CDH18: variants seen among roughly 807,000 people sequenced by gnomAD.
CDH18 encodes cadherin 18.
CDH18 carries 31 observed loss-of-function variants against 67.9 expected under a neutral mutation model. The observed-to-expected ratio is 0.46, with a 90% CI of 0.34 to 0.62. The LOEUF (loss-of-function observed/expected upper bound fraction) is 0.62, where lower values mean the gene tolerates loss of function less well. Ranked by LOEUF, CDH18 falls within the 20% of genes least tolerant of loss-of-function variation. CDH18 has a pLI of 0.01. For synonymous variants in CDH18, 362 were observed against 347.2 expected (o/e 1.04, Z -0.48); for missense variants, 890 against 975.5 (o/e 0.91, Z 1.17).
Position 19,968,784 on chromosome 5 carries a change from C to T in CDH18, c.-257+12276G>A, listed in dbSNP as rs558872102. 2.2e-4 allele frequency among the ~76,000 whole-genome samples: 32 copies of T among 144,524 alleles called. No homozygotes were observed. The South Asian group carries it at 6.3e-3, about 29-fold the overall frequency. The allele number at this position is 144,524 out of a possible 152,430, so 94.8% of individuals were successfully genotyped here. ...TTACCATTCAGGACATAGGCATGGG[C>T]AAGGACTTCATGTCTAAAACACCAA... On this transcript the variant is annotated intron_variant, in intron 2 of 12. Transcript: ENST00000382275.
chr5:19,551,704 C>G (rs1190957085), intron 8 of CDH18, among the ~76,000 whole-genome samples: 1 of 152,056 alleles, frequency 6.6e-6, no homozygotes, highest in Non-Finnish European at 1.5e-5. Flanking sequence ...TAAGACAGTT[C>G]ATAGATTGTA....
In CDH18 at chr5:19,839,091, T is replaced by C. The variant is rs181353664; in HGVS notation, c.-105A>G. On this transcript the variant is annotated 5_prime_UTR_variant, in exon 3 of 13. Transcript: ENST00000382275. ...GCCAGAGCATCTTTAGGAAGGACAG[T>C]CCAAAGTAAATTGTTTAGCGTGTCC... The C allele has an allele frequency of 2.0e-4, 167 of 818,472 alleles. 2 individuals carry two copies. Among genetic ancestry groups the C allele is most frequent in the Admixed American group, 1.7e-3 (79 of 45,782 alleles). The allele number at this position is 818,472 out of a possible 1,614,324, so 50.7% of individuals were successfully genotyped here.
At chr5:20,276,686 C>A (rs1025476028) in intron 1 of CDH18, among the ~76,000 whole-genome samples, 1 of 152,168 alleles carries the variant, frequency 6.6e-6, no homozygotes, top group African/African-American at 2.4e-5. Context: ...AGCTTGACCA[C>A]AAGGTATAGA....
In CDH18 at chr5:20,150,604, A is replaced by C. The variant is rs529377298; in HGVS notation, c.-518+104840T>G. ...TTTCTTAACTTAGGTGGCAGTTACA[A>C]GGGTAAACACTTTCTTTTTTCTATA... On this transcript the variant is annotated intron_variant, in intron 2 of 14. Coordinates refer to the CDH18 transcript ENST00000507958. 7.2e-5 allele frequency among the ~76,000 whole-genome samples: 11 copies of C among 152,224 alleles called. 1 individual carries two copies. In the South Asian group the frequency reaches 2.3e-3, roughly 32 times the overall value.
At chr5:19,478,140 A>G (rs1360000888) in intron 12 of CDH18, among the ~76,000 whole-genome samples, 1 of 152,106 alleles carries the variant, frequency 6.6e-6, no homozygotes, top group Non-Finnish European at 1.5e-5. Flanking sequence ...ATTTTTTCCT[A>G]TATATTATGT....
chr5:19,611,483 G>A (rs1035026304), intron 6 of CDH18, among the ~76,000 whole-genome samples: 1 of 152,166 alleles, frequency 6.6e-6, no homozygotes, highest in Non-Finnish European at 1.5e-5. Context: ...GACGTACAAA[G>A]TGTTATTATA....
chr5:19,812,065 A>C (rs1455800795), intron 3 of CDH18, among the ~76,000 whole-genome samples: 1 of 152,168 alleles, frequency 6.6e-6, no homozygotes, highest in Non-Finnish European at 1.5e-5. Context: ...AAAACAAAGA[A>C]ACAAAATGCT....
At chr5:20,170,786 G>T (rs1736639081) in intron 2 of CDH18, among the ~76,000 whole-genome samples, 1 of 151,864 alleles carries the variant, frequency 6.6e-6, no homozygotes, top group South Asian at 2.1e-4. Context: ...TTTTTGTACA[G>T]ATTATTTAAT....
chr5:20,554,964 C>T (rs1290859304), intron 1 of CDH18, among the ~76,000 whole-genome samples: 1 of 152,144 alleles, frequency 6.6e-6, no homozygotes, highest in Non-Finnish European at 1.5e-5. Flanking sequence ...ATCATTTGAT[C>T]CAACTGCATC....
chr5:20,043,198 C>A (rs1293640101), intron 2 of CDH18, among the ~76,000 whole-genome samples: 1 of 151,902 alleles, frequency 6.6e-6, no homozygotes, highest in Non-Finnish European at 1.5e-5. Context: ...ACCGATATTG[C>A]CAAATGTCCC....
intron 8 of CDH18, among the ~76,000 whole-genome samples, chr5:19,544,592 CTCT>C (rs1735997079): frequency 6.6e-6 from 1 of 151,916 alleles, no homozygotes; most frequent in African/African-American, 2.4e-5. Flanking sequence ...TTATTTTTCC[CTCT>C]TCAATTCATG....
At chr5:20,337,272 C>A (rs1580785180) in intron 1 of CDH18, among the ~76,000 whole-genome samples, 3 of 152,162 alleles carry the variant, frequency 2.0e-5, no homozygotes, top group Admixed American at 2.0e-4. Flanking sequence ...GCTTGAATTT[C>A]TCCTCAGAAA....
chr5:20,477,840 G>C (rs1581075335), intron 1 of CDH18, among the ~76,000 whole-genome samples: 1 of 152,246 alleles, frequency 6.6e-6, no homozygotes, highest in Non-Finnish European at 1.5e-5. Flanking sequence ...GCTCAGGAGA[G>C]ACTCTTTCTT....
intron 8 of CDH18, among the ~76,000 whole-genome samples, chr5:19,570,322 T>C (rs551428524): frequency 3.9e-5 from 6 of 152,152 alleles, no homozygotes; most frequent in African/African-American, 7.2e-5. Flanking sequence ...CGATCCTCCT[T>C]CTTCAAGCAT....
intron 5 of CDH18, among the ~76,000 whole-genome samples, chr5:19,678,765 C>T (rs967576966): frequency 6.6e-6 from 1 of 151,710 alleles, no homozygotes; most frequent in African/African-American, 2.4e-5. Flanking sequence ...AAATTAAATC[C>T]CTGACCAGAT....
At chr5:20,330,454 TCTTC>T (rs1403352976) in intron 1 of CDH18, among the ~76,000 whole-genome samples, 1 of 152,098 alleles carries the variant, frequency 6.6e-6, no homozygotes, top group Non-Finnish European at 1.5e-5. Flanking sequence ...GGAAAGGCGG[TCTTC>T]CAATAGATAG....
intron 2 of CDH18, among the ~76,000 whole-genome samples, chr5:19,878,839 T>G (rs6887461): frequency 0.89 from 135,280 of 151,942 alleles, 60,340 homozygotes; most frequent in Non-Finnish European, 0.92. Context: ...TTTTTGTGTG[T>G]CACAAAGTAA....
chr5:20,242,038 G>A (rs1742969653), intron 2 of CDH18, among the ~76,000 whole-genome samples: 2 of 151,142 alleles, frequency 1.3e-5, no homozygotes, highest in Non-Finnish European at 2.9e-5. Context: ...GATAAATAAA[G>A]GCAAAATTAA....
At chr5:20,316,854 T>G (rs918548542) in intron 1 of CDH18, among the ~76,000 whole-genome samples, 1 of 152,080 alleles carries the variant, frequency 6.6e-6, no homozygotes, top group Non-Finnish European at 1.5e-5. Flanking sequence ...AAAAGACTAT[T>G]AAGCAAGTTT....
Sources: allele counts gnomAD v4.1 joint callset (sites outside exome capture counted in the v4.1 genomes callset), GRCh38; gene constraint gnomAD v4.1.1; transcripts MANE v1.5; gene names NCBI Gene and HGNC (gene_info 2026-07-23, HGNC 2026-07-21).